Variants in EFHC2 observed in about 807,000 individuals in gnomAD.
The protein encoded by EFHC2 is EF-hand domain-containing family member C2.
Under a neutral mutation model 52.7 loss-of-function variants are expected in EFHC2, and 18 were observed. That is an observed-to-expected ratio of 0.34 (90% CI 0.24 to 0.51). EFHC2 has a LOEUF of 0.51. Ranked by LOEUF, EFHC2 falls within the 20% of genes least tolerant of loss-of-function variation. EFHC2 has a pLI of 0.97. For synonymous variants in EFHC2, 203 were observed against 204.1 expected (o/e 0.99, Z 0.04); for missense variants, 513 against 562.5 (o/e 0.91, Z 0.89).
intron 14 of EFHC2, among the ~76,000 whole-genome samples, chrX:44,162,469 T>C (rs1207943639): frequency 9.0e-6 from 1 of 111,266 alleles, no homozygotes; most frequent in African/African-American, 3.3e-5. Context: ...TAAAGGGCAC[T>C]CTTGATCATG....
At chrX:44,290,159 T>C (rs930280026) in intron 2 of EFHC2, among the ~76,000 whole-genome samples, 3 of 111,858 alleles carry the variant, frequency 2.7e-5, no homozygotes, top group East Asian at 2.8e-4. Context: ...GTTATCTTTT[T>C]CCATTGCATT....
In EFHC2 at chrX:44,251,516, C is replaced by T. The variant is rs571761670; in HGVS notation, c.607-1071G>A. 4.7e-4 allele frequency among the ~76,000 whole-genome samples: 43 copies of T among 91,278 alleles called. No homozygotes were observed. The South Asian group carries it at 0.023, about 49-fold the overall frequency. 79.3% of individuals were successfully genotyped at this position (91,278 alleles called of 115,157 possible). ...CTCAGGAGGCTGAGGCAGGAGGATCCCTTGAACCTGGGAGGCAGAGGTTGC... is the reference window on the plus strand; with the variant it reads ...CTCAGGAGGCTGAGGCAGGAGGATCTCTTGAACCTGGGAGGCAGAGGTTGC... On this transcript the variant is annotated intron_variant, in intron 4 of 14. Coordinates refer to ENST00000420999, the MANE Select transcript of EFHC2 (RefSeq NM_025184.4).
chrX:44,209,500 AC>A (rs1471120967), intron 11 of EFHC2, among the ~76,000 whole-genome samples: 3 of 111,646 alleles, frequency 2.7e-5, no homozygotes, highest in Non-Finnish European at 5.6e-5. Context: ...AGATCAATAT[AC>A]AAATATCAAT....
At chrX:44,271,177 C>T (rs1406314251) in intron 3 of EFHC2, among the ~76,000 whole-genome samples, 4 of 111,548 alleles carry the variant, frequency 3.6e-5, no homozygotes, top group African/African-American at 1.3e-4. Context: ...TCTCAAAGGC[C>T]ACCACTGTAT....
chrX:44,180,483 C>T (rs1168494703), intron 11 of EFHC2, among the ~76,000 whole-genome samples: 2 of 111,873 alleles, frequency 1.8e-5, no homozygotes, highest in East Asian at 2.8e-4. Flanking sequence ...GGCTCACGCT[C>T]GTAATCCCGG....
chrX:44,300,877 A>G (rs188259845), intron 2 of EFHC2, among the ~76,000 whole-genome samples: 16 of 110,202 alleles, frequency 1.5e-4, no homozygotes, highest in African/African-American at 4.6e-4. Context: ...TTGGGAGGTC[A>G]AGGCGGGCAG....
At chrX:44,227,516 G>C (rs1049927741) in intron 11 of EFHC2, among the ~76,000 whole-genome samples, 1 of 110,573 alleles carries the variant, frequency 9.0e-6, no homozygotes, top group Non-Finnish European at 1.9e-5. Flanking sequence ...GAACCCCCAG[G>C]AACAACTCTA....
At chrX:44,154,670 C>T (rs2036594424) in intron 14 of EFHC2, among the ~76,000 whole-genome samples, 2 of 110,577 alleles carry the variant, frequency 1.8e-5, no homozygotes, top group Admixed American at 9.6e-5. Context: ...CACCACTACA[C>T]TCCACCCTGG....
intron 2 of EFHC2, among the ~76,000 whole-genome samples, chrX:44,293,997 T>A (rs2037810281): frequency 8.9e-6 from 1 of 112,385 alleles, no homozygotes. Flanking sequence ...GCCGTTGGCA[T>A]ATCCAGCCTG....
chrX:44,298,454 G>A (rs2037843010), intron 2 of EFHC2, among the ~76,000 whole-genome samples: 2 of 111,819 alleles, frequency 1.8e-5, no homozygotes, highest in African/African-American at 6.5e-5. Context: ...AGGGCTAAAC[G>A]AATTGGGGGA....
chrX:44,287,198 AT>A (rs2037757552), intron 2 of EFHC2, among the ~76,000 whole-genome samples: 1 of 110,990 alleles, frequency 9.0e-6, no homozygotes, highest in Non-Finnish European at 1.9e-5. Context: ...CTAAAAAAAA[AT>A]TTTTTAAATA....
intron 1 of EFHC2, among the ~76,000 whole-genome samples, chrX:44,337,811 T>G (rs1271496476): frequency 1.8e-5 from 2 of 112,296 alleles, no homozygotes; most frequent in Non-Finnish European, 3.8e-5. Flanking sequence ...TTCAAATCCA[T>G]GTGAGCAATT....
intron 3 of EFHC2, among the ~76,000 whole-genome samples, chrX:44,272,338 C>T (rs1016269000): frequency 1.8e-5 from 2 of 111,957 alleles, no homozygotes; most frequent in African/African-American, 6.5e-5. Flanking sequence ...TTTCTCTTCT[C>T]CCCTAATGGT....
chrX:44,163,547 C>T (rs926015045), intron 14 of EFHC2, among the ~76,000 whole-genome samples: 1 of 112,141 alleles, frequency 8.9e-6, no homozygotes, highest in Non-Finnish European at 1.9e-5. Context: ...TACCCGGATA[C>T]CCTAGGGATT....
At chrX:44,149,047 T>G (rs2036548305) in intron 14 of EFHC2, among the ~76,000 whole-genome samples, 151 bp from the exon 15 acceptor site, 1 of 112,497 alleles carries the variant, frequency 8.9e-6, no homozygotes, top group Non-Finnish European at 1.9e-5. Flanking sequence ...TTGTTCTTGA[T>G]TCTTCATTCC....
chrX:44,179,076 CAA>C (rs2147280434), intron 11 of EFHC2, among the ~76,000 whole-genome samples: 1 of 104,451 alleles, frequency 9.6e-6, no homozygotes, highest in South Asian at 4.2e-4. Context: ...GAAAAAAAAA[CAA>C]GAGAAAAAAA....
intron 4 of EFHC2, among the ~76,000 whole-genome samples, chrX:44,252,769 A>G (rs896824490): frequency 8.9e-6 from 1 of 112,250 alleles, no homozygotes; most frequent in African/African-American, 3.2e-5. Context: ...ATTATTTAAA[A>G]CATTTCTTAG....
chrX:44,195,838 T>C (rs1429742145), intron 11 of EFHC2, among the ~76,000 whole-genome samples: 1 of 112,099 alleles, frequency 8.9e-6, no homozygotes, highest in Non-Finnish European at 1.9e-5. Flanking sequence ...TCTTGCACTC[T>C]GCATTAGGAT....
Position 44,176,059 on chromosome X carries a change from G to C in EFHC2, c.2042+233C>G, listed in dbSNP as rs576164324. Among the ~76,000 whole-genome samples the C allele has an allele frequency of 8.0e-5, 9 of 112,486 alleles. No homozygotes were observed. The South Asian group carries it at 2.9e-3, about 37-fold the overall frequency. ...GTCCCAGGAATCTGTGGATCTATAAGTGTGTATTCATGTTAAAAAGATAAA... is the reference window on the plus strand; with the variant it reads ...GTCCCAGGAATCTGTGGATCTATAACTGTGTATTCATGTTAAAAAGATAAA... On this transcript the variant is annotated intron_variant, in intron 13 of 14. Transcript: ENST00000420999.
Sources: gnomAD v4.1 joint callset for allele counts (sites outside exome capture counted in the v4.1 genomes callset) on GRCh38, gnomAD v4.1.1 for gene constraint, MANE v1.5 for transcripts, NCBI Gene and HGNC (gene_info 2026-07-23, HGNC 2026-07-21) for gene names.